Variants in SAMM50 observed in about 807,000 individuals in gnomAD.
SAMM50 encodes SAMM50 sorting and assembly machinery component, also known as sorting and assembly machinery component 50 homolog.
A neutral mutation model predicts 66.9 loss-of-function variants in SAMM50; 47 were observed. The ratio of observed to expected loss-of-function variants is 0.70; its 90% CI spans 0.56 to 0.90. The LOEUF (loss-of-function observed/expected upper bound fraction) is 0.90. Ranked by LOEUF, SAMM50 falls within the 40% of genes least tolerant of loss-of-function variation. The pLI is 0.00. For synonymous variants in SAMM50, 191 were observed against 214.1 expected, an observed-to-expected ratio of 0.89 and a Z score of 0.94; for missense variants, 535 against 595.3, an observed-to-expected ratio of 0.90 and a Z score of 1.05.
chr22:43,988,400 T>G (rs568821433), intron 12 of SAMM50: 1 of 152,344 alleles, frequency 6.6e-6, no homozygotes, highest in Admixed American at 6.5e-5. Context: ...AGTAAGACAC[T>G]GTATAAATGG....
chr22:43,957,954 A>G (rs2050128490), intron 1 of SAMM50, among the ~76,000 whole-genome samples: 2 of 151,096 alleles, frequency 1.3e-5, no homozygotes, highest in South Asian at 2.1e-4. Context: ...ACGGGGTTTC[A>G]CTGTTAGCTA....
intron 11 of SAMM50, among the ~76,000 whole-genome samples, chr22:43,982,106 C>CT (rs200915507): frequency 0.012 from 1,850 of 152,172 alleles, 16 homozygotes; most frequent in Middle Eastern, 0.02. Flanking sequence ...GGCAAAAAAA[C>CT]TTTTTTTTCA....
At chr22:43,965,988 A>G (rs1226694904) in intron 3 of SAMM50, among the ~76,000 whole-genome samples, 1 of 152,106 alleles carries the variant, frequency 6.6e-6, no homozygotes, top group African/African-American at 2.4e-5. Flanking sequence ...GCAGGCACAC[A>G]TCACCATGCC....
At chr22:43,968,620 G>T (rs1043174713) in intron 3 of SAMM50, 111 bp from the exon 4 acceptor site, 2 of 754,026 alleles carry the variant, frequency 2.7e-6, no homozygotes, top group Non-Finnish European at 4.7e-6. Context: ...TCTGCTCAGT[G>T]ATCTGACTTA....
chr22:43,962,881 ATTTTTTTTTTTTTTTTTTTTTTTT>A lies in SAMM50; in HGVS notation c.22-395_22-372del, dbSNP rs58022542. Among the ~76,000 whole-genome samples the A allele has an allele frequency of 3.7e-3, 242 of 65,534 alleles. 4 individuals are homozygous for A. Among genetic ancestry groups the A allele is most frequent in the Non-Finnish European group, 4.2e-3 (155 of 37,182 alleles). The allele number at this position is 65,534 out of a possible 152,430, so 43.0% of individuals were successfully genotyped here. ...GATTTGTGCGTGACCCTTTTGGTTA[ATTTTTTTTTTTTTTTTTTTTTTTT>A]TTTTTTTTTAGAGATGGGGTCTTGC... On this transcript the variant is annotated intron_variant, in intron 1 of 14. Coordinates refer to ENST00000350028, the MANE Select transcript of SAMM50 (RefSeq NM_015380.5).
rs983788832 is a variant in SAMM50, at chr22:43,963,316, G to C, written c.52G>C (p.Asp18His). The change falls in exon 2 of 15, where the codon GAT becomes CAT. Residue 18 changes from aspartate (D) to histidine (H), a missense_variant. Physicochemically the swap from Asp to His is moderately conservative, Grantham distance 81. Coordinates refer to ENST00000350028, the MANE Select transcript of SAMM50 (RefSeq NM_015380.5). The part of the protein sequence containing the change: ...SLEPLPSSGP[D>H]FGGLGEEAEF... ...GGAGCCTCTTCCATCAAGTGGACCT[G>C]ATTTTGGAGGATTAGGAGAAGAAGC... 8.7e-6 allele frequency: 14 copies of C among 1,612,610 alleles called. No individual in the cohort carries two copies. Among genetic ancestry groups the C allele is most frequent in the Non-Finnish European group, 1.2e-5 (14 of 1,179,678 alleles).
In SAMM50 at chr22:43,990,276, A is replaced by C; in HGVS notation, c.1234A>C (p.Lys412Gln). The C allele has an allele frequency of 2.5e-6, 4 of 1,614,192 alleles. 1 individual carries two copies. Among genetic ancestry groups the C allele is most frequent in the Non-Finnish European group, 1.7e-6 (2 of 1,180,024 alleles). ...CTTTCTCTTTTCAGGGGAGGGCCCC[A>C]AAGCTCATATTCGTAAGCTGGCTGA... ...LCNLNYGEGP[K>Q]AHIRKLAECI... Residue 412 changes from lysine (K) to glutamine (Q), a missense_variant, in exon 14 of 15, where the codon AAA becomes CAA. Physicochemically the swap from Lys to Gln is moderately conservative, Grantham distance 53 (BLOSUM62 1). Transcript: ENST00000350028.
intron 10 of SAMM50, among the ~76,000 whole-genome samples, chr22:43,980,280 A>G (rs573159296): frequency 4.5e-5 from 6 of 132,934 alleles, no homozygotes; most frequent in African/African-American, 1.7e-4. Context: ...CCTGCTCTCA[A>G]GGAACTTCCA....
In SAMM50 at chr22:43,973,334, T is replaced by C. The variant is rs758550338; in HGVS notation, c.648+11T>C. ...TCAGCTGAGTACAGTGTGAGTAGCA[T>C]TTCAGTCCTTCCCTCTGGGCTTGGG... On this transcript the variant is annotated intron_variant, in intron 7 of 14. Coordinates refer to ENST00000350028, the MANE Select transcript of SAMM50 (RefSeq NM_015380.5). 13 of 1,512,778 alleles carry C rather than the reference T, an allele frequency of 8.6e-6. No homozygotes were observed. The highest frequency in any genetic ancestry group is 1.7e-4 in the Middle Eastern group (1 of 5,864). 93.7% of individuals were successfully genotyped at this position (1,512,778 alleles called of 1,614,324 possible).
At chr22:43,991,718 C>T (rs1340786273) in intron 14 of SAMM50, among the ~76,000 whole-genome samples, 1 of 152,188 alleles carries the variant, frequency 6.6e-6, no homozygotes, top group Non-Finnish European at 1.5e-5. Flanking sequence ...TTGGAAAGTC[C>T]AAGATCAGGG....
chr22:43,977,414 T>C (rs2050238247), intron 9 of SAMM50, among the ~76,000 whole-genome samples: 1 of 152,218 alleles, frequency 6.6e-6, no homozygotes, highest in Admixed American at 6.5e-5. Context: ...CCCGAGCAGC[T>C]ACCCTCGCTC....
At chr22:43,988,731 T>C (rs924845366) in intron 12 of SAMM50, 1 of 166,034 alleles carries the variant, frequency 6.0e-6, no homozygotes, top group Non-Finnish European at 1.3e-5. Context: ...CTCTCGAAAA[T>C]TTGGCAAAAT....
chr22:43,980,097 C>T (rs2050255174), intron 10 of SAMM50, among the ~76,000 whole-genome samples: 2 of 147,564 alleles, frequency 1.4e-5, no homozygotes, highest in African/African-American at 5.1e-5. Context: ...TCCATCCATC[C>T]ACCCATCCAC....
At chr22:43,984,141 A>T in intron 12 of SAMM50, 141 bp downstream of exon 12, 1 of 639,244 alleles carries the variant, frequency 1.6e-6, no homozygotes, top group Non-Finnish European at 2.6e-6. Flanking sequence ...AGAACTTACC[A>T]TGTAGCAGGT....
chr22:43,987,242 A>C (rs566663278), intron 12 of SAMM50: 2 of 152,206 alleles, frequency 1.3e-5, no homozygotes, highest in Non-Finnish European at 2.9e-5. Context: ...ATTGTTAATA[A>C]TACTATTAAT....
At chr22:43,968,877 T>G in intron 4 of SAMM50, 59 bp downstream of exon 4, 2 of 1,211,006 alleles carry the variant, frequency 1.7e-6, no homozygotes, top group South Asian at 2.4e-5. Flanking sequence ...AGAAAAGCTG[T>G]TTTTATGGCC....
intron 14 of SAMM50, chr22:43,996,095 T>G: frequency 6.2e-5 from 38 of 610,512 alleles, no homozygotes; most frequent in East Asian, 1.4e-4. Context: ...TGCAGGAGGA[T>G]TTGGGTCTCT....
chr22:43,968,255 GA>G (rs1213766542), intron 3 of SAMM50, among the ~76,000 whole-genome samples: 1 of 116,674 alleles, frequency 8.6e-6, no homozygotes, highest in East Asian at 2.4e-4. Context: ...AAAGAAAAAA[GA>G]AAAAAAGAAA....
chr22:43,983,999 A>G lies in SAMM50; in HGVS notation c.1074A>G (p.Glu358=), dbSNP rs765989823. The change falls in exon 12 of 15, where the codon GAA becomes GAG. Residue 358 remains glutamate (E), a splice_region_variant and synonymous_variant. Coordinates refer to ENST00000350028, the MANE Select transcript of SAMM50 (RefSeq NM_015380.5). This position sits in a 1 kb window ranked among gnomAD's most constrained non-coding sequence, Gnocchi z 4.2. The part of the protein sequence containing the change: ...FSMHSIGPQS[E]GDYLGGEAYW... ...TGCACAGCATCGGGCCACAGAGCGAAGGTCTGTCCTTTCCCCTCACGGCGC... is the reference window on the plus strand; with the variant it reads ...TGCACAGCATCGGGCCACAGAGCGAGGGTCTGTCCTTTCCCCTCACGGCGC... 1 of 1,609,770 alleles carries G rather than the reference A, an allele frequency of 6.2e-7. No individual in the cohort carries two copies. Among genetic ancestry groups the G allele is most frequent in the South Asian group, 1.1e-5 (1 of 90,048 alleles).
Sources: allele counts gnomAD v4.1 joint callset (sites outside exome capture counted in the v4.1 genomes callset), GRCh38; gene constraint gnomAD v4.1.1; non-coding constraint Gnocchi (gnomAD v3.1); transcripts MANE v1.5; gene names NCBI Gene and HGNC (gene_info 2026-07-23, HGNC 2026-07-21).